The following HHLA2 variants were observed in gnomAD, a reference collection of about 807,000 sequenced individuals.
HHLA2 encodes the protein HERV-H LTR-associating protein 2.
A neutral mutation model predicts 45.9 loss-of-function variants in HHLA2; 48 were observed. That is an observed-to-expected ratio of 1.05 (90% CI 0.83 to 1.33). HHLA2 has a LOEUF of 1.33. HHLA2 is among the 40% of genes most tolerant of loss of function. The pLI, the probability that HHLA2 is intolerant of heterozygous loss-of-function variation, is 0.00. For missense variants in HHLA2, 462 were observed against 494.3 expected, an observed-to-expected ratio of 0.93 and a Z score of 0.62; for synonymous variants, 161 against 173.9, an observed-to-expected ratio of 0.93 and a Z score of 0.59.
chr3:108,304,854 G>A (rs1267227947), intron 1 of HHLA2, among the ~76,000 whole-genome samples: 1 of 152,148 alleles, frequency 6.6e-6, no homozygotes, highest in Non-Finnish European at 1.5e-5. Flanking sequence ...AACCCTGCCT[G>A]CAGCTGTATA....
chr3:108,337,496 C>T (rs952928979), intron 3 of HHLA2, among the ~76,000 whole-genome samples: 2 of 152,076 alleles, frequency 1.3e-5, no homozygotes, highest in Non-Finnish European at 2.9e-5. Flanking sequence ...GTATCTTTGT[C>T]TATGTGGAAT....
intron 2 of HHLA2, among the ~76,000 whole-genome samples, chr3:108,319,940 C>T (rs1408996959): frequency 1.3e-5 from 2 of 152,110 alleles, no homozygotes; most frequent in African/African-American, 4.8e-5. Context: ...TATCACATAG[C>T]CTATGCATAT....
rs550634581 is a variant in HHLA2, at chr3:108,319,721, G to A, written c.-104-8549G>A. 2.0e-5 allele frequency among the ~76,000 whole-genome samples: 3 copies of A among 152,320 alleles called. 1 individual carries two copies. In the South Asian group the frequency reaches 6.2e-4, roughly 32 times the overall value. ...TACTCCTATTAATGCAAGAGCAGAT[G>A]TGCTTGTACATTTTTCCAACAATAA... On this transcript the variant is annotated intron_variant, in intron 2 of 10. Transcript: ENST00000619531.
At chr3:108,313,039 G>T (rs937779912) in intron 2 of HHLA2, among the ~76,000 whole-genome samples, 3 of 152,126 alleles carry the variant, frequency 2.0e-5, no homozygotes, top group African/African-American at 4.8e-5. Flanking sequence ...CAAAATTAAG[G>T]TCTGGAGAGG....
At chr3:108,375,354 G>C (rs960129648) in intron 8 of HHLA2, among the ~76,000 whole-genome samples, 1 of 151,184 alleles carries the variant, frequency 6.6e-6, no homozygotes, top group African/African-American at 2.4e-5. Flanking sequence ...GGGAGGGATA[G>C]CATTAGGAGA....
chr3:108,340,361 G>A (rs1311898988), intron 3 of HHLA2, among the ~76,000 whole-genome samples: 1 of 152,224 alleles, frequency 6.6e-6, no homozygotes, highest in Non-Finnish European at 1.5e-5. Context: ...CATGGGTAAA[G>A]ATGCCCCACT....
At chr3:108,376,855 C>A in intron 10 of HHLA2, 1 of 340,668 alleles carries the variant, frequency 2.9e-6, no homozygotes. Flanking sequence ...TGTACTTATT[C>A]TTATGATAGA....
intron 3 of HHLA2, among the ~76,000 whole-genome samples, chr3:108,330,473 C>T (rs565620521): frequency 6.6e-6 from 1 of 152,270 alleles, no homozygotes; most frequent in Admixed American, 6.5e-5. Flanking sequence ...TTTGCAGATA[C>T]AATTAGCAAT....
intron 2 of HHLA2, among the ~76,000 whole-genome samples, chr3:108,322,371 G>T (rs910278428): frequency 6.6e-6 from 1 of 152,228 alleles, no homozygotes; most frequent in African/African-American, 2.4e-5. Context: ...TTTCTCCAAA[G>T]AAAGGGGCAA....
chr3:108,353,273 T>C (rs1177562031), intron 4 of HHLA2, among the ~76,000 whole-genome samples, 154 bp from the exon 4 acceptor site: 1 of 152,164 alleles, frequency 6.6e-6, no homozygotes, highest in Admixed American at 6.5e-5. Flanking sequence ...GCTTCACAGG[T>C]TTGTTTCTAA....
intron 3 of HHLA2, among the ~76,000 whole-genome samples, chr3:108,341,674 T>A (rs1377191959): frequency 1.3e-5 from 2 of 152,208 alleles, no homozygotes; most frequent in African/African-American, 2.4e-5. Context: ...TAATTAATTA[T>A]CTTCATTATG....
At position 108,371,036 on chromosome 3, in the gene HHLA2, A is replaced by C. The variant is rs571922544; in HGVS notation, c.1109-4714A>C. Among the ~76,000 whole-genome samples, 11 of 152,350 alleles carry C rather than the reference A, an allele frequency of 7.2e-5. No homozygotes were observed. In the East Asian group the frequency reaches 2.1e-3, roughly 29 times the overall value. ...AAGACACATAATTGGCAGATTCACC[A>C]AAGTTGAAATGAAGGAAAAAATGTT... On this transcript the variant is annotated intron_variant, in intron 8 of 10. Coordinates refer to ENST00000619531, the Ensembl canonical transcript of HHLA2.
intron 2 of HHLA2, among the ~76,000 whole-genome samples, chr3:108,313,956 C>T (rs2081062424): frequency 6.6e-6 from 1 of 152,140 alleles, no homozygotes; most frequent in African/African-American, 2.4e-5. Context: ...CAACTAAGTC[C>T]TTCTTAATTT....
At chr3:108,374,094 G>A (rs928755133) in intron 8 of HHLA2, among the ~76,000 whole-genome samples, 2 of 151,536 alleles carry the variant, frequency 1.3e-5, no homozygotes, top group Admixed American at 6.6e-5. Flanking sequence ...CAAGGCTACA[G>A]TAACCAAAAC....
chr3:108,301,203 GC>G (rs1286347128), intron 1 of HHLA2, among the ~76,000 whole-genome samples: 2 of 152,096 alleles, frequency 1.3e-5, no homozygotes, highest in Non-Finnish European at 2.9e-5. Context: ...TCCTAAGTGT[GC>G]TTTGTAGATT....
At chr3:108,299,081 G>C (rs2080808945) in intron 1 of HHLA2, among the ~76,000 whole-genome samples, 1 of 151,878 alleles carries the variant, frequency 6.6e-6, no homozygotes, top group South Asian at 2.1e-4. Flanking sequence ...TTTTCTTTTT[G>C]TCCCATACTC....
intron 3 of HHLA2, 30 bp from the exon 3 acceptor site, chr3:108,351,758 T>A (rs781695689): frequency 6.3e-6 from 9 of 1,430,972 alleles, no homozygotes; most frequent in Middle Eastern, 1.7e-4. Context: ...TTTAAATCCA[T>A]AACATGTGCA....
chr3:108,302,354 T>G (rs1348350177), intron 1 of HHLA2: 1 of 152,138 alleles, frequency 6.6e-6, no homozygotes, highest in Admixed American at 6.5e-5. Context: ...TACCCCTTAT[T>G]CTCCTGACAG....
At chr3:108,304,045 G>T (rs17241072) in intron 1 of HHLA2, among the ~76,000 whole-genome samples, 249 of 152,238 alleles carry the variant, frequency 1.6e-3, no homozygotes, top group Non-Finnish European at 3.0e-3. Flanking sequence ...TTAGTTGGTG[G>T]TGTGTATACG....
Sources: allele counts gnomAD v4.1 joint callset (sites outside exome capture counted in the v4.1 genomes callset), GRCh38; gene constraint gnomAD v4.1.1; transcripts MANE v1.5; gene names NCBI Gene and HGNC (gene_info 2026-07-23, HGNC 2026-07-21).